Variants in RALGAPA2 observed in about 807,000 individuals in gnomAD.
RALGAPA2 encodes the protein Ral GTPase activating protein catalytic subunit alpha 2, also known as ral GTPase-activating protein subunit alpha-2.
A neutral mutation model predicts 230.4 loss-of-function variants in RALGAPA2; 139 were observed. The ratio of observed to expected loss-of-function variants is 0.60; its 90% CI spans 0.53 to 0.69. RALGAPA2 has a LOEUF of 0.69. Among genes scored for constraint, RALGAPA2 ranks in the 30% least tolerant of loss-of-function variants. The pLI is 0.00. For missense variants in RALGAPA2, 2,163 were observed against 2,276.0 expected (o/e 0.95, Z 1.01); for synonymous variants, 847 against 837.8 (o/e 1.01, Z -0.19).
At chr20:20,632,843 T>C (rs553611738) in intron 9 of RALGAPA2, among the ~76,000 whole-genome samples, 1 of 152,304 alleles carries the variant, frequency 6.6e-6, no homozygotes, top group Admixed American at 6.5e-5. Context: ...TACCAGTCCA[T>C]GGGTACTCTT....
Position 20,583,193 on chromosome 20 carries a change from C to T in RALGAPA2, c.2564G>A (p.Cys855Tyr). ...ESTNSDTTLG[C>Y]TNEAELSMGP... ...CATGGACAGCTCTGCCTCATTGGTA[C>T]AGCCCAGAGTTGTGTCACTGTTGGT... is the stretch of plus-strand genomic sequence containing the variant. The change falls in exon 20 of 40, where the codon TGT (cysteine) becomes TAT (tyrosine). Residue 855 changes from cysteine (C) to tyrosine (Y), a missense_variant. By Grantham distance (194) the Cys-to-Tyr change is radical (BLOSUM62 -2). Coordinates refer to ENST00000202677, the MANE Select transcript of RALGAPA2 (RefSeq NM_020343.4). 1 of 1,613,540 alleles carries T rather than the reference C, an allele frequency of 6.2e-7. No individual in the cohort carries two copies. The highest frequency in any genetic ancestry group is 8.5e-7 in the Non-Finnish European group (1 of 1,179,636).
At chr20:20,607,228 T>C (rs1042396973) in intron 14 of RALGAPA2, among the ~76,000 whole-genome samples, 5 of 152,194 alleles carry the variant, frequency 3.3e-5, no homozygotes, top group African/African-American at 7.2e-5. Flanking sequence ...TAAACAGAAA[T>C]CAGTCTATAA....
chr20:20,680,799 T>C lies in RALGAPA2; in HGVS notation c.109A>G (p.Asn37Asp), dbSNP rs772135909. 3 of 1,566,018 alleles carry C rather than the reference T, an allele frequency of 1.9e-6. No homozygotes were observed. Among genetic ancestry groups the C allele is most frequent in the Non-Finnish European group, 1.7e-6 (2 of 1,163,558 alleles). ...TGCTTAAGATCATTTGCATCCACAT[T>C]ATCTGAAAAGAAAAAGTTTCCATTT... Reference protein sequence around the residue: ...RLKHLRALLDNVDANDLKQFF... With the variant: ...RLKHLRALLDDVDANDLKQFF... Residue 37 changes from asparagine (N) to aspartate (D), a missense_variant and splice_region_variant, in exon 2 of 40, where the codon AAT (asparagine) becomes GAT (aspartate). Transcript: ENST00000202677.
At chr20:20,409,281 G>T (rs1269643625) in intron 38 of RALGAPA2, among the ~76,000 whole-genome samples, 3 of 152,210 alleles carry the variant, frequency 2.0e-5, no homozygotes, top group Non-Finnish European at 4.4e-5. Flanking sequence ...CCCTCTAGAA[G>T]TGGGGGCTGC....
chr20:20,687,925 C>A (rs1414143533), intron 1 of RALGAPA2, among the ~76,000 whole-genome samples: 1 of 152,170 alleles, frequency 6.6e-6, no homozygotes, highest in Non-Finnish European at 1.5e-5. Flanking sequence ...CCATGCTAGC[C>A]AGAGTGAAGG....
intron 23 of RALGAPA2, among the ~76,000 whole-genome samples, chr20:20,558,921 G>A (rs2064170166): frequency 6.6e-6 from 1 of 151,986 alleles, no homozygotes; most frequent in Non-Finnish European, 1.5e-5. Flanking sequence ...CTGGCTCTCA[G>A]GTTTGGGTGA....
At chr20:20,529,577 T>C (rs1475294940) in intron 27 of RALGAPA2, among the ~76,000 whole-genome samples, 1 of 152,248 alleles carries the variant, frequency 6.6e-6, no homozygotes, top group Non-Finnish European at 1.5e-5. Flanking sequence ...ATATTTTTAC[T>C]GTACCTCTTC....
At chr20:20,412,288 T>A in intron 37 of RALGAPA2, 140 bp from the exon 38 acceptor site, 1 of 1,195,452 alleles carries the variant, frequency 8.4e-7, no homozygotes, top group Non-Finnish European at 1.2e-6. Flanking sequence ...TGCAGAAAAT[T>A]AAGTATTAGT....
At chr20:20,550,366 A>G (rs907456599) in intron 23 of RALGAPA2, among the ~76,000 whole-genome samples, 1 of 152,228 alleles carries the variant, frequency 6.6e-6, no homozygotes, top group Non-Finnish European at 1.5e-5. Context: ...CAATGCTGCT[A>G]AATTTTTGCT....
At chr20:20,419,163 C>A (rs1173050941) in intron 37 of RALGAPA2, among the ~76,000 whole-genome samples, 1 of 152,182 alleles carries the variant, frequency 6.6e-6, no homozygotes, top group East Asian at 1.9e-4. Flanking sequence ...AGGGGTTGTA[C>A]CTGGGAGGTT....
intron 37 of RALGAPA2, among the ~76,000 whole-genome samples, chr20:20,415,947 GAC>G (rs1375206287): frequency 6.6e-6 from 1 of 152,294 alleles, no homozygotes; most frequent in East Asian, 1.9e-4. Context: ...GTAGCAGCAT[GAC>G]AGTCAGGAAG....
intron 37 of RALGAPA2, chr20:20,472,462 G>A (rs745310795): frequency 5.8e-5 from 9 of 155,350 alleles, no homozygotes; most frequent in Non-Finnish European, 1.1e-4. Context: ...TGAGCGATAC[G>A]TTTTGCTCAG....
intron 1 of RALGAPA2, among the ~76,000 whole-genome samples, chr20:20,692,574 T>C (rs2068952350): frequency 6.6e-6 from 1 of 152,244 alleles, no homozygotes; most frequent in Admixed American, 6.5e-5. Flanking sequence ...GAGCCAATTA[T>C]GGTGGCAACA....
At chr20:20,443,854 A>G (rs1260350051) in intron 37 of RALGAPA2, among the ~76,000 whole-genome samples, 1 of 152,240 alleles carries the variant, frequency 6.6e-6, no homozygotes, top group Non-Finnish European at 1.5e-5. Context: ...GGAAGAAACC[A>G]TGGGGGAATC....
chr20:20,590,259 A>C (rs940010703), intron 17 of RALGAPA2, among the ~76,000 whole-genome samples: 12 of 152,166 alleles, frequency 7.9e-5, no homozygotes, highest in Non-Finnish European at 5.9e-5. Context: ...ATGATATTTT[A>C]AAACATTCCT....
Position 20,583,080 on chromosome 20 carries a change from G to A in RALGAPA2, c.2677C>T (p.Leu893=), listed in dbSNP as rs753664865. The A allele has an allele frequency of 4.3e-6, 7 of 1,613,564 alleles. No homozygotes were observed. Among genetic ancestry groups the A allele is most frequent in the Non-Finnish European group, 5.9e-6 (7 of 1,179,704 alleles). Residue 893 remains leucine, a synonymous_variant, in exon 20 of 40, where the codon CTG becomes TTG. Transcript: ENST00000202677. The part of the protein sequence containing the change: ...ADADARHWLQ[L]SPTDASNLTD... ...AAATTTGAAGCATCGGTGGGACTCA[G>A]TTGTAACCAATGACGGGCATCAGCA...
chr20:20,629,282 G>T, intron 10 of RALGAPA2, 81 bp downstream of exon 10: 1 of 1,212,620 alleles, frequency 8.2e-7, no homozygotes, highest in Non-Finnish European at 1.2e-6. Context: ...ACAAGTAAAA[G>T]AACATGAAAC....
chr20:20,491,539 C>T (rs1407943220), intron 36 of RALGAPA2, among the ~76,000 whole-genome samples: 2 of 152,142 alleles, frequency 1.3e-5, no homozygotes, highest in East Asian at 1.9e-4. Flanking sequence ...TTTCCAGATA[C>T]TGAAAGAGAG....
At chr20:20,659,796 G>C in intron 3 of RALGAPA2, 1 of 883,274 alleles carries the variant, frequency 1.1e-6, no homozygotes, top group Non-Finnish European at 1.8e-6. Flanking sequence ...ATGGAGAGAA[G>C]GAAAAAACAG....
Sources: allele counts gnomAD v4.1 joint callset (sites outside exome capture counted in the v4.1 genomes callset), GRCh38; gene constraint gnomAD v4.1.1; transcripts MANE v1.5; gene names NCBI Gene and HGNC (gene_info 2026-07-23, HGNC 2026-07-21).